The following HECTD4 variants were observed in gnomAD, a reference collection of about 807,000 sequenced individuals.
HECTD4 encodes the protein HECT domain E3 ubiquitin protein ligase 4.
Under a neutral mutation model 471.5 loss-of-function variants are expected in HECTD4, and 114 were observed. The ratio of observed to expected loss-of-function variants is 0.24; its 90% CI spans 0.21 to 0.28. The LOEUF is 0.28. Ranked by LOEUF, HECTD4 falls within the 10% of genes least tolerant of loss-of-function variation. HECTD4 has a pLI of 1.00. For synonymous variants in HECTD4, 2,012 were observed against 2,256.0 expected (o/e 0.89, Z 3.07); for missense variants, 3,866 against 5,651.5 (o/e 0.68, Z 10.13).
intron 23 of HECTD4, among the ~76,000 whole-genome samples, chr12:112,251,523 G>A (rs1279790230): frequency 6.6e-6 from 1 of 152,156 alleles, no homozygotes; most frequent in Non-Finnish European, 1.5e-5. Flanking sequence ...AATGACTGCA[G>A]TGAATTCATT....
In HECTD4 at chr12:112,308,912, C is replaced by T; in HGVS notation, c.1026-21G>A. On this transcript the variant is annotated intron_variant, in intron 5 of 75. Transcript: ENST00000682272. ...AACCTCTGTGGAATGAAATGGAGCA[C>T]AGGCTGAATCACCTGGCTATGTCAG... is the stretch of plus-strand genomic sequence containing the variant. The T allele has an allele frequency of 2.6e-6, 4 of 1,532,288 alleles. No individual in the cohort carries two copies. In the Middle Eastern group the frequency reaches 5.0e-4, roughly 193 times the overall value. 94.9% of individuals were successfully genotyped at this position (1,532,288 alleles called of 1,614,324 possible).
At chr12:112,377,405 C>T (rs556427668) in intron 1 of HECTD4, among the ~76,000 whole-genome samples, 2 of 152,270 alleles carry the variant, frequency 1.3e-5, no homozygotes, top group South Asian at 4.1e-4. Flanking sequence ...TTGTCTATAT[C>T]ATCCCACTAA....
chr12:112,215,625 C>G (rs1397925130), intron 48 of HECTD4, among the ~76,000 whole-genome samples: 2 of 152,090 alleles, frequency 1.3e-5, no homozygotes, highest in African/African-American at 4.8e-5. Context: ...GCTGTATCTA[C>G]CAATAAGGCA....
chr12:112,273,887 G>C, intron 10 of HECTD4, 92 bp from the exon 11 acceptor site: 2 of 1,449,688 alleles, frequency 1.4e-6, no homozygotes, highest in Non-Finnish European at 1.9e-6. Flanking sequence ...GGAAGGGCAA[G>C]GATGCTCTCT....
chr12:112,168,832 G>C (rs1009588955), intron 70 of HECTD4, among the ~76,000 whole-genome samples: 2 of 152,228 alleles, frequency 1.3e-5, no homozygotes, highest in African/African-American at 4.8e-5. Flanking sequence ...GGTGTCGAGC[G>C]TGAGTCTGGG....
intron 52 of HECTD4, among the ~76,000 whole-genome samples, chr12:112,206,502 T>TAATAA (rs1214740318): frequency 6.8e-6 from 1 of 146,424 alleles, no homozygotes; most frequent in Non-Finnish European, 1.5e-5. Flanking sequence ...CTCAAAAAAA[T>TAATAA]AATAAAAAAA....
At position 112,235,616 on chromosome 12, in the gene HECTD4, T is replaced by C; in HGVS notation, c.5613A>G (p.Pro1871=). Reference sequence around the variant, plus strand: ...AGGAGGGGACAGAGTAGCTCCAGGGTGGGAGCTCCACGTTTCCACAGTCTT... The same window carrying C: ...AGGAGGGGACAGAGTAGCTCCAGGGCGGGAGCTCCACGTTTCCACAGTCTT... The part of the protein sequence containing the change: ...SVEDCGNVEL[P]PWSYSVPSLN... Residue 1871 remains proline (P), a synonymous_variant, in exon 36 of 76, where the codon CCA becomes CCG. Transcript: ENST00000682272. This position sits in a 1 kb window ranked among gnomAD's most constrained non-coding sequence, Gnocchi z 5.0. The C allele has an allele frequency of 1.2e-6, 2 of 1,613,898 alleles. No homozygotes were observed. Among genetic ancestry groups the C allele is most frequent in the East Asian group, 2.2e-5 (1 of 44,884 alleles).
In HECTD4 at chr12:112,216,459, G is replaced by A. The variant is rs1222304866; in HGVS notation, c.7386-88C>T. On this transcript the variant is annotated intron_variant, in intron 47 of 75. Transcript: ENST00000682272. The stretch of plus-strand genomic sequence containing the variant: ...CAAACAGGGAAGTGGTGAAGTGGAG[G>A]GGGGGTGGTCAGCATTGTGAGATTA... The A allele has an allele frequency of 6.7e-6, 6 of 895,802 alleles. No individual in the cohort carries two copies. In the Admixed American group the frequency reaches 1.0e-4, roughly 15 times the overall value. The allele number at this position is 895,802 out of a possible 1,614,324, so 55.5% of individuals were successfully genotyped here. A position where few individuals can be genotyped will look rare whatever the true frequency, so the allele number is the denominator to read the frequency against.
At position 112,235,553 on chromosome 12, in the gene HECTD4, G is replaced by C; in HGVS notation, c.5676C>G (p.Ser1892=). Residue 1892 remains serine, a synonymous_variant, in exon 36 of 76, where the codon TCC becomes TCG. Transcript: ENST00000682272. The surrounding 1 kb of genome is among the most constrained non-coding windows in gnomAD (Gnocchi z 5.0). ...TTGCTAAGAGCAGGGAGGCGATCTT[G>C]GAAGCTGGGTCGCTGGGATCCTCCT... ...SEQEDPSDPA[S]KIASLLLAKL... 1 of 1,613,810 alleles carries C rather than the reference G, an allele frequency of 6.2e-7. No homozygotes were observed. Among genetic ancestry groups the C allele is most frequent in the Non-Finnish European group, 8.5e-7 (1 of 1,179,830 alleles).
At chr12:112,199,270 T>C (rs775692843) in intron 55 of HECTD4, among the ~76,000 whole-genome samples, 6 of 152,200 alleles carry the variant, frequency 3.9e-5, no homozygotes, top group Non-Finnish European at 7.3e-5. Context: ...CTGTCCTGTA[T>C]CTCGCTAAGT....
chr12:112,163,629 G>A lies in HECTD4; in HGVS notation c.12810C>T (p.Ile4270=), dbSNP rs141828248. The A allele has an allele frequency of 1.9e-5, 30 of 1,541,534 alleles. No homozygotes were observed. Among genetic ancestry groups the A allele is most frequent in the African/African-American group, 6.9e-5 (5 of 72,814 alleles). Residue 4270 remains isoleucine, a synonymous_variant, in exon 74 of 76, where the codon ATC becomes ATT. Transcript: ENST00000682272. This position sits in a 1 kb window ranked among gnomAD's most constrained non-coding sequence, Gnocchi z 8.2. The part of the protein sequence containing the change: ...TAVRAGLGSI[I]PLQLLTMLSP... The stretch of plus-strand genomic sequence containing the variant: ...TGAGCATGGTCAGCAGCTGCAGGGG[G>A]ATGATGGAGCCCAGGCCGGCCCGCA...
Position 112,193,361 on chromosome 12 carries a change from G to A in HECTD4, c.8955+108C>T. On this transcript the variant is annotated intron_variant, in intron 57 of 75. Coordinates refer to ENST00000682272, the MANE Select transcript of HECTD4 (RefSeq NM_001388303.1). This position sits in a 1 kb window ranked among gnomAD's most constrained non-coding sequence, Gnocchi z 5.2. ...AAAGCTTCTAGGAAAAGGAAATCGA[G>A]AGGAATAGGGACTTGGAAGGGAAAG... 1 of 1,340,346 alleles carries A rather than the reference G, an allele frequency of 7.5e-7. No homozygotes were observed. Among genetic ancestry groups the A allele is most frequent in the East Asian group, 2.5e-5 (1 of 39,782 alleles). The allele number at this position is 1,340,346 out of a possible 1,614,324, so 83.0% of individuals were successfully genotyped here. A position where few individuals can be genotyped will look rare whatever the true frequency, so the allele number is the denominator to read the frequency against.
Position 112,216,869 on chromosome 12 carries a change from T to C in HECTD4, c.7289A>G (p.Asp2430Gly), listed in dbSNP as rs1257609358. 2 of 1,613,890 alleles carry C rather than the reference T, an allele frequency of 1.2e-6. No homozygotes were observed. Among genetic ancestry groups the C allele is most frequent in the African/African-American group, 2.7e-5 (2 of 74,930 alleles). ...IEIVSYGDTD[D>G]DTGPIVSFGF... is the part of the protein sequence containing the mutation. The stretch of plus-strand genomic sequence containing the variant: ...AAAGGAAACTATGGGTCCGGTGTCA[T>C]CATCGGTGTCTCCATAGGAAACGAT... Residue 2430 changes from aspartate to glycine, a missense_variant, in exon 47 of 76, where the codon GAT (aspartate) becomes GGT (glycine). By Grantham distance (94) the Asp-to-Gly change is moderately conservative. Transcript: ENST00000682272.
chr12:112,293,512 A>T (rs191986003), intron 7 of HECTD4, among the ~76,000 whole-genome samples: 1 of 152,110 alleles, frequency 6.6e-6, no homozygotes, highest in Admixed American at 6.5e-5. Context: ...ACTGTACTCC[A>T]GCCTGGGCGA....
At chr12:112,283,807 A>G (rs2034692729) in intron 7 of HECTD4, among the ~76,000 whole-genome samples, 1 of 152,058 alleles carries the variant, frequency 6.6e-6, no homozygotes, top group African/African-American at 2.4e-5. Context: ...ATACACATCA[A>G]CTTCAACTGG....
At chr12:112,293,543 A>AAATC (rs10675861) in intron 7 of HECTD4, among the ~76,000 whole-genome samples, 67 of 151,196 alleles carry the variant, frequency 4.4e-4, no homozygotes, top group South Asian at 3.1e-3. Flanking sequence ...TTCCATCTCA[A>AAATC]AATCAATCAA....
intron 7 of HECTD4, among the ~76,000 whole-genome samples, chr12:112,291,829 G>A (rs908609786): frequency 2.0e-5 from 3 of 152,144 alleles, no homozygotes; most frequent in East Asian, 1.9e-4. Context: ...CCAAGATTGC[G>A]CCACTGCACT....
At position 112,302,596 on chromosome 12, in the gene HECTD4, T is replaced by C. The variant is rs1284184143; in HGVS notation, c.1335+3468A>G. 4.6e-6 allele frequency: 3 copies of C among 659,224 alleles called. No individual in the cohort carries two copies. In the East Asian group the frequency reaches 8.6e-5, roughly 19 times the overall value. The allele number at this position is 659,224 out of a possible 1,614,324, so 40.8% of individuals were successfully genotyped here. On this transcript the variant is annotated intron_variant, in intron 7 of 75. Coordinates refer to ENST00000682272, the MANE Select transcript of HECTD4 (RefSeq NM_001388303.1). Reference sequence around the variant, plus strand: ...CTCAAACAGGGAATTCACCACTTTCTTGGCCTCCTGCTTCTTCACAACAGC... The same window carrying C: ...CTCAAACAGGGAATTCACCACTTTCCTGGCCTCCTGCTTCTTCACAACAGC...
At chr12:112,165,844 C>T (rs566753555) in intron 72 of HECTD4, among the ~76,000 whole-genome samples, 15 of 152,318 alleles carry the variant, frequency 9.8e-5, no homozygotes, top group African/African-American at 2.2e-4. Context: ...ACCAGGGAGA[C>T]GACAGGGTCG....
Sources: allele counts gnomAD v4.1 joint callset (sites outside exome capture counted in the v4.1 genomes callset), GRCh38; gene constraint gnomAD v4.1.1; non-coding constraint Gnocchi (gnomAD v3.1); transcripts MANE v1.5; gene names NCBI Gene and HGNC (gene_info 2026-07-23, HGNC 2026-07-21).